RGS7: variants seen among roughly 807,000 people sequenced by gnomAD.
RGS7 encodes regulator of G protein signaling 7.
In RGS7, 27 loss-of-function variants were observed where a neutral mutation model predicts 81.1. The observed-to-expected ratio is 0.33, with a 90% CI of 0.25 to 0.46. RGS7 has a LOEUF of 0.46. Among genes scored for constraint, RGS7 ranks in the 20% least tolerant of loss-of-function variants. The pLI is 1.00. For synonymous variants in RGS7, 208 were observed against 207.7 expected, an observed-to-expected ratio of 1.00 and a Z score of -0.01; for missense variants, 396 against 607.4, an observed-to-expected ratio of 0.65 and a Z score of 3.66.
intron 2 of RGS7, among the ~76,000 whole-genome samples, chr1:241,306,690 T>TAC (rs753661245): frequency 6.6e-6 from 1 of 150,462 alleles, no homozygotes; most frequent in Non-Finnish European, 1.5e-5. Context: ...CACACACTCT[T>TAC]ACACACACAT....
At chr1:240,850,710 A>T (rs1222522758) in intron 9 of RGS7, among the ~76,000 whole-genome samples, 2 of 152,230 alleles carry the variant, frequency 1.3e-5, no homozygotes, top group African/African-American at 4.8e-5. Context: ...GAATGCAAAG[A>T]AAAAGTTCTT....
intron 3 of RGS7, among the ~76,000 whole-genome samples, chr1:241,012,546 G>T (rs1234447812): frequency 1.3e-5 from 2 of 152,100 alleles, no homozygotes; most frequent in Admixed American, 1.3e-4. Flanking sequence ...CCCTTCATCA[G>T]TCAATAAAAT....
intron 14 of RGS7, among the ~76,000 whole-genome samples, chr1:240,811,045 TCTC>T (rs1485534610): frequency 6.6e-6 from 1 of 152,088 alleles, no homozygotes; most frequent in Admixed American, 6.6e-5. Context: ...ACCTGTTAAA[TCTC>T]CTGAAAAGAA....
At chr1:241,311,177 C>T (rs1431539139) in intron 2 of RGS7, among the ~76,000 whole-genome samples, 1 of 152,132 alleles carries the variant, frequency 6.6e-6, no homozygotes, top group African/African-American at 2.4e-5. Context: ...TTGTTAGCAC[C>T]TTTTGAAAAC....
At chr1:241,159,999 C>T (rs937188887) in intron 2 of RGS7, among the ~76,000 whole-genome samples, 1 of 151,010 alleles carries the variant, frequency 6.6e-6, no homozygotes, top group African/African-American at 2.4e-5. Flanking sequence ...GGTTCTTCTA[C>T]CTTTTATTAC....
At chr1:241,049,674 A>G (rs114345297) in intron 3 of RGS7, among the ~76,000 whole-genome samples, 2,364 of 152,318 alleles carry the variant, frequency 0.016, 30 homozygotes, top group Non-Finnish European at 0.023. Flanking sequence ...CAGACCCACC[A>G]GGAACTAAGG....
chr1:241,346,643 T>C (rs2082914849), intron 2 of RGS7, among the ~76,000 whole-genome samples: 1 of 152,244 alleles, frequency 6.6e-6, no homozygotes, highest in Non-Finnish European at 1.5e-5. Context: ...AGCTCGACAG[T>C]TCTGCCACTA....
chr1:241,246,419 G>A (rs2076548571), intron 2 of RGS7, among the ~76,000 whole-genome samples: 1 of 152,172 alleles, frequency 6.6e-6, no homozygotes, highest in South Asian at 2.1e-4. Context: ...CCATGTCCCT[G>A]CGGGTAGAAG....
At chr1:241,312,910 G>A (rs1245770830) in intron 2 of RGS7, among the ~76,000 whole-genome samples, 1 of 152,182 alleles carries the variant, frequency 6.6e-6, no homozygotes, top group Non-Finnish European at 1.5e-5. Flanking sequence ...TGCTACTCCA[G>A]TGAACACACG....
At chr1:240,919,285 C>CA (rs1221738687) in intron 6 of RGS7, among the ~76,000 whole-genome samples, 21 of 152,044 alleles carry the variant, frequency 1.4e-4, no homozygotes, top group African/African-American at 5.1e-4. Flanking sequence ...AAAAGGAAGA[C>CA]TACAGACCAA....
In RGS7 at chr1:240,775,691, GTT is replaced by G; in HGVS notation, c.*527_*528del. On this transcript the variant is annotated 3_prime_UTR_variant, in exon 19 of 19. Coordinates refer to ENST00000440928, the MANE Select transcript of RGS7 (RefSeq NM_001364886.1). ...GTACAGACAACAGACGAAGACATGA[GTT>G]TGTTTCTGACTGTGACACATTGGTG... 2.0e-4 allele frequency: 34 copies of G among 166,008 alleles called. No homozygotes were observed. Among genetic ancestry groups the G allele is most frequent in the East Asian group, 1.1e-3 (7 of 6,310 alleles). The allele number at this position is 166,008 out of a possible 1,614,324, so 10.3% of individuals were successfully genotyped here.
intron 2 of RGS7, among the ~76,000 whole-genome samples, chr1:241,157,143 T>C (rs1019859128): frequency 6.6e-6 from 1 of 152,116 alleles, no homozygotes; most frequent in Non-Finnish European, 1.5e-5. Context: ...AAAAAGACTT[T>C]CACTTTTATT....
At chr1:240,916,109 CAA>C (rs60839025) in intron 6 of RGS7, among the ~76,000 whole-genome samples, 13 of 70,930 alleles carry the variant, frequency 1.8e-4, no homozygotes, top group Non-Finnish European at 2.2e-4. Context: ...CTAAAAATAC[CAA>C]AAAAAAAAAA....
chr1:241,175,130 C>A (rs1200316782), intron 2 of RGS7, among the ~76,000 whole-genome samples: 1 of 151,938 alleles, frequency 6.6e-6, no homozygotes, highest in Non-Finnish European at 1.5e-5. Context: ...TCTCGAATGC[C>A]TGACCTCGTG....
chr1:241,285,214 A>G (rs2078747893), intron 2 of RGS7, among the ~76,000 whole-genome samples: 1 of 152,084 alleles, frequency 6.6e-6, no homozygotes, highest in Admixed American at 6.5e-5. Context: ...GGCTTTGACT[A>G]GAGAGACCAG....
intron 3 of RGS7, among the ~76,000 whole-genome samples, chr1:241,067,979 A>G (rs563574704): frequency 2.1e-4 from 32 of 151,950 alleles, no homozygotes; most frequent in African/African-American, 7.5e-4. Flanking sequence ...AGAGTATGTG[A>G]TGGGCTGAGT....
chr1:240,784,013 T>TAAA lies in RGS7; in HGVS notation c.*7-7803_*7-7801dup, dbSNP rs71172645. 2.7e-3 allele frequency among the ~76,000 whole-genome samples: 229 copies of TAAA among 83,348 alleles called. 4 individuals are homozygous for TAAA. Among genetic ancestry groups the TAAA allele is most frequent in the African/African-American group, 0.011 (211 of 19,484 alleles). 54.7% of individuals were successfully genotyped at this position (83,348 alleles called of 152,430 possible). On this transcript the variant is annotated intron_variant, in intron 18 of 18. Coordinates refer to ENST00000440928, the MANE Select transcript of RGS7 (RefSeq NM_001364886.1). ...CAACATGGTGAAACCCTGTCTCTAC[T>TAAA]AAAAAAAAAAAAAAAAAAAAAAAAA...
At chr1:241,140,697 C>T (rs966279315) in intron 2 of RGS7, among the ~76,000 whole-genome samples, 1 of 152,154 alleles carries the variant, frequency 6.6e-6, no homozygotes, top group African/African-American at 2.4e-5. Flanking sequence ...AGGTATGAGC[C>T]ACTATGCCCA....
At chr1:240,865,167 G>A (rs1425227290) in intron 9 of RGS7, among the ~76,000 whole-genome samples, 1 of 152,112 alleles carries the variant, frequency 6.6e-6, no homozygotes, top group Non-Finnish European at 1.5e-5. Flanking sequence ...TCTTAGAAAG[G>A]GCAAATCACT....
Sources: gnomAD v4.1 joint callset for allele counts (sites outside exome capture counted in the v4.1 genomes callset) on GRCh38, gnomAD v4.1.1 for gene constraint, MANE v1.5 for transcripts, NCBI Gene and HGNC (gene_info 2026-07-23, HGNC 2026-07-21) for gene names.